Variants in TMEM138 observed in about 807,000 individuals in gnomAD.
TMEM138 encodes transmembrane protein 138.
In TMEM138, 9 loss-of-function variants were observed where a neutral mutation model predicts 18.1. The ratio of observed to expected loss-of-function variants is 0.50; its 90% confidence interval spans 0.30 to 0.87. TMEM138 has a LOEUF of 0.87. Ranked by LOEUF, TMEM138 falls within the 40% of genes least tolerant of loss-of-function variation. TMEM138 has a pLI of 0.06. For missense variants in TMEM138, 189 were observed against 190.6 expected, an observed-to-expected ratio of 0.99 and a Z score of 0.05; for synonymous variants, 79 against 74.8, an observed-to-expected ratio of 1.06 and a Z score of -0.29.
chr11:61,365,555 T>A (rs1348563632), intron 2 of TMEM138: 3 of 152,232 alleles, frequency 2.0e-5, no homozygotes, highest in African/African-American at 4.8e-5. Flanking sequence ...GTGCTGGGAT[T>A]ACAGGCATGA....
downstream of TMEM138, among the ~76,000 whole-genome samples, chr11:61,374,654 G>A (rs1858411787): frequency 6.6e-6 from 1 of 152,074 alleles, no homozygotes; most frequent in African/African-American, 2.4e-5. Context: ...TTTATAATCA[G>A]CTATAAAACT....
chr11:61,367,821 TAGCATGATTTTAA>T (rs1424279491), intron 3 of TMEM138, 89 bp from the exon 4 acceptor site: 1 of 748,950 alleles, frequency 1.3e-6, no homozygotes, highest in Non-Finnish European at 2.4e-6. Context: ...AGGAAGAGGT[TAGCATGATTTTAA>T]AGCAACTGGC....
At chr11:61,370,599 C>G (rs911604080), downstream of TMEM138, among the ~76,000 whole-genome samples, 3 of 152,288 alleles carry the variant, frequency 2.0e-5, no homozygotes, top group African/African-American at 2.4e-5. Context: ...GGCATGGATA[C>G]AGAGAGAGTA....
Position 61,368,827 on chromosome 11 carries a change from C to G in TMEM138, c.*118C>G. ...CTGGACTTTCCAAGGAAGGTTCAGACTAGCTGTGTTCAGCATTCAAGAAGG... is the reference window on the plus strand; with the variant it reads ...CTGGACTTTCCAAGGAAGGTTCAGAGTAGCTGTGTTCAGCATTCAAGAAGG... On this transcript the variant is annotated 3_prime_UTR_variant, in exon 5 of 5. Coordinates refer to ENST00000278826, the MANE Select transcript of TMEM138 (RefSeq NM_016464.5). 1 of 745,926 alleles carries G rather than the reference C, an allele frequency of 1.3e-6. No individual in the cohort carries two copies. The highest frequency in any genetic ancestry group is 2.3e-6 in the Non-Finnish European group (1 of 429,944). 46.2% of individuals were successfully genotyped at this position (745,926 alleles called of 1,614,324 possible). A position where few individuals can be genotyped will look rare whatever the true frequency, so the allele number is the denominator to read the frequency against.
chr11:61,368,417 CAG>C (rs1858230968), intron 4 of TMEM138, 178 bp from the exon 5 acceptor site: 2 of 552,546 alleles, frequency 3.6e-6, no homozygotes, highest in South Asian at 4.0e-5. Flanking sequence ...TTAGTAGAGA[CAG>C]GGTTTCACCG....
downstream of TMEM138, among the ~76,000 whole-genome samples, chr11:61,370,076 T>A (rs1306743739): frequency 6.6e-6 from 1 of 152,158 alleles, no homozygotes; most frequent in African/African-American, 2.4e-5. Context: ...ACAACACAAG[T>A]CAAAGAGAGA....
chr11:61,368,029 C>T (rs1346010614), intron 4 of TMEM138, 31 bp downstream of exon 4: 1 of 1,435,852 alleles, frequency 7.0e-7, no homozygotes, highest in Admixed American at 1.7e-5. Flanking sequence ...AGGCCTCTCT[C>T]AGGTCCCACA....
downstream of TMEM138, among the ~76,000 whole-genome samples, chr11:61,371,135 A>C (rs540828425): frequency 6.6e-6 from 1 of 152,300 alleles, no homozygotes; most frequent in South Asian, 2.1e-4. Flanking sequence ...CCTGGGTTCA[A>C]GTGATTCTCC....
downstream of TMEM138, among the ~76,000 whole-genome samples, chr11:61,375,376 G>T (rs1858422296): frequency 7.3e-6 from 1 of 137,576 alleles, no homozygotes; most frequent in African/African-American, 2.7e-5. Context: ...AGGCTGGAGT[G>T]CAGTGGTGTG....
chr11:61,370,418 C>T (rs1262545973), downstream of TMEM138, among the ~76,000 whole-genome samples: 1 of 152,054 alleles, frequency 6.6e-6, no homozygotes, highest in Non-Finnish European at 1.5e-5. Flanking sequence ...TACAAAATGG[C>T]GATTTTCTTT....
chr11:61,370,377 G>C (rs1042877700), downstream of TMEM138, among the ~76,000 whole-genome samples: 2 of 152,166 alleles, frequency 1.3e-5, no homozygotes, highest in African/African-American at 2.4e-5. Context: ...TAAAAGGCCT[G>C]GTTAAACATT....
At chr11:61,368,193 C>A in intron 4 of TMEM138, 195 bp downstream of exon 4, 1 of 702,410 alleles carries the variant, frequency 1.4e-6, no homozygotes, top group Non-Finnish European at 2.6e-6. Context: ...GCTGCCCAGC[C>A]TCATTAGGTT....
chr11:61,365,767 T>G (rs1347826255), intron 2 of TMEM138: 1 of 300,210 alleles, frequency 3.3e-6, no homozygotes, highest in African/African-American at 2.2e-5. Context: ...TATAGGACTA[T>G]GTATGGAAGA....
chr11:61,365,821 C>G, intron 2 of TMEM138: 1 of 470,180 alleles, frequency 2.1e-6, no homozygotes, highest in Non-Finnish European at 3.7e-6. Context: ...AAAGCCTTGA[C>G]TATGGACTGC....
intron 2 of TMEM138, among the ~76,000 whole-genome samples, chr11:61,365,356 G>A (rs1164168795): frequency 2.0e-5 from 3 of 151,556 alleles, no homozygotes; most frequent in East Asian, 2.0e-4. Flanking sequence ...CGCCCCCTGG[G>A]TTCAAGCAAT....
At chr11:61,368,469 G>T (rs186711099) in intron 4 of TMEM138, 128 bp from the exon 5 acceptor site, 2 of 624,226 alleles carry the variant, frequency 3.2e-6, no homozygotes, top group Non-Finnish European at 5.8e-6. Context: ...CTCATGATCC[G>T]CCTGCCTCTG....
chr11:61,374,853 A>G (rs181537569), downstream of TMEM138, among the ~76,000 whole-genome samples: 2 of 152,260 alleles, frequency 1.3e-5, no homozygotes, highest in African/African-American at 4.8e-5. Context: ...GCTACTCAGG[A>G]GGCTGAGGCA....
At chr11:61,367,739 G>C (rs897734796) in intron 3 of TMEM138, 184 bp from the exon 4 acceptor site, 6 of 620,922 alleles carry the variant, frequency 9.7e-6, no homozygotes, top group Non-Finnish European at 1.5e-5. Flanking sequence ...AAAGTTAAAA[G>C]ATATTCCCTT....
rs1399761440 is a variant in TMEM138 at position 61,364,778 on chromosome 11, GCAGTGATT to G, written c.128+264_128+271del. ...GGCATGGTGCCACACACCTGTAATC[GCAGTGATT>G]CAGGATGCTGACGTGGAAGGATTGC... is the stretch of plus-strand genomic sequence containing the variant. On this transcript the variant is annotated intron_variant, in intron 2 of 4. Coordinates refer to ENST00000278826, the MANE Select transcript of TMEM138 (RefSeq NM_016464.5). 14 of 306,262 alleles carry G rather than the reference GCAGTGATT, an allele frequency of 4.6e-5. No homozygotes were observed. In the East Asian group the frequency reaches 9.7e-4, roughly 21 times the overall value. The allele number at this position is 306,262 out of a possible 1,614,324, so 19.0% of individuals were successfully genotyped here.
Sources: gnomAD v4.1 joint callset for allele counts (sites outside exome capture counted in the v4.1 genomes callset) on GRCh38, gnomAD v4.1.1 for gene constraint, MANE v1.5 for transcripts, NCBI Gene and HGNC (gene_info 2026-07-23, HGNC 2026-07-21) for gene names.